Variants in CSMD2 observed in about 807,000 individuals in gnomAD.
CSMD2 encodes the protein CUB and sushi domain-containing protein 2.
Under a neutral mutation model 398.5 loss-of-function variants are expected in CSMD2, and 130 were observed. The ratio of observed to expected loss-of-function variants is 0.33; its 90% CI spans 0.28 to 0.38. The LOEUF is 0.38. Among genes scored for constraint, CSMD2 ranks in the 10% least tolerant of loss-of-function variants. The pLI, the probability that CSMD2 is intolerant of heterozygous loss-of-function variation, is 1.00. For synonymous variants in CSMD2, 1,828 were observed against 1,908.5 expected, an observed-to-expected ratio of 0.96 and a Z score of 1.10; for missense variants, 3,829 against 4,764.9, an observed-to-expected ratio of 0.80 and a Z score of 5.78.
At chr1:33,948,168 C>T (rs1644896239) in intron 3 of CSMD2, among the ~76,000 whole-genome samples, 1 of 152,190 alleles carries the variant, frequency 6.6e-6, no homozygotes, top group African/African-American at 2.4e-5. Flanking sequence ...AGGAGAGCCC[C>T]TGCCTCATCC....
At chr1:33,654,180 A>G (rs1643883678) in intron 27 of CSMD2, among the ~76,000 whole-genome samples, 1 of 152,216 alleles carries the variant, frequency 6.6e-6, no homozygotes, top group Non-Finnish European at 1.5e-5. Flanking sequence ...TGAGTATCAG[A>G]AACACTCAAA....
intron 5 of CSMD2, among the ~76,000 whole-genome samples, chr1:33,889,595 A>AT (rs1467520528): frequency 6.6e-6 from 1 of 152,236 alleles, no homozygotes; most frequent in African/African-American, 2.4e-5. Flanking sequence ...TAACTATAAC[A>AT]TTATTTGAAA....
chr1:33,854,473 C>T (rs999628405), intron 5 of CSMD2, among the ~76,000 whole-genome samples: 13 of 152,316 alleles, frequency 8.5e-5, no homozygotes, highest in Middle Eastern at 3.4e-3. Context: ...TCCAGTGCCA[C>T]GCGGGCTTCA....
At chr1:33,926,369 G>A (rs1644127741) in intron 4 of CSMD2, among the ~76,000 whole-genome samples, 1 of 152,132 alleles carries the variant, frequency 6.6e-6, no homozygotes, top group African/African-American at 2.4e-5. Context: ...AAGCCATCCC[G>A]AGATTTTCAA....
chr1:34,158,765 G>T (rs1641039404), intron 1 of CSMD2, among the ~76,000 whole-genome samples: 1 of 152,202 alleles, frequency 6.6e-6, no homozygotes, highest in South Asian at 2.1e-4. Context: ...CTAGGGTCAG[G>T]TAGACTTGAG....
At chr1:33,757,995 T>G (rs529691385) in intron 13 of CSMD2, among the ~76,000 whole-genome samples, 1 of 152,366 alleles carries the variant, frequency 6.6e-6, no homozygotes, top group East Asian at 1.9e-4. Context: ...CAAATTCTTT[T>G]GCTGTTACAT....
chr1:33,711,130 C>A (rs961816875), intron 21 of CSMD2, among the ~76,000 whole-genome samples: 2 of 152,030 alleles, frequency 1.3e-5, no homozygotes. Context: ...TTTACATAGA[C>A]GTTTCCAGCA....
chr1:33,845,353 T>C (rs545284317), intron 6 of CSMD2, among the ~76,000 whole-genome samples: 6 of 152,354 alleles, frequency 3.9e-5, no homozygotes, highest in African/African-American at 1.4e-4. Flanking sequence ...TGGGGCAATG[T>C]ACATACAGTG....
At chr1:33,918,364 A>G (rs2125283662) in intron 4 of CSMD2, 63 bp from the exon 5 acceptor site, 5 of 1,344,574 alleles carry the variant, frequency 3.7e-6, no homozygotes, top group South Asian at 2.4e-5. Flanking sequence ...AGCACTCACC[A>G]TGGGCTATAC....
chr1:33,788,058 T>A (rs1174338360), intron 12 of CSMD2, among the ~76,000 whole-genome samples: 1 of 152,182 alleles, frequency 6.6e-6, no homozygotes, highest in East Asian at 1.9e-4. Context: ...GGGATGGAAC[T>A]GAGGTGTGCA....
intron 2 of CSMD2, among the ~76,000 whole-genome samples, chr1:34,050,197 C>A (rs1653016966): frequency 6.6e-6 from 1 of 152,184 alleles, no homozygotes; most frequent in Non-Finnish European, 1.5e-5. Context: ...CAAAATGGTA[C>A]CCTTCCCTGG....
chr1:33,928,990 A>C (rs1012475589), intron 4 of CSMD2, among the ~76,000 whole-genome samples: 2 of 152,096 alleles, frequency 1.3e-5, no homozygotes, highest in African/African-American at 4.8e-5. Context: ...TGGATGTCTC[A>C]CAGGCGTCTC....
At chr1:34,010,922 G>C (rs1161041136) in intron 3 of CSMD2, among the ~76,000 whole-genome samples, 1 of 152,216 alleles carries the variant, frequency 6.6e-6, no homozygotes, top group Non-Finnish European at 1.5e-5. Flanking sequence ...ACCGCGCCTG[G>C]CCAGTGATTT....
intron 44 of CSMD2, among the ~76,000 whole-genome samples, chr1:33,590,743 T>A (rs1168821572): frequency 6.6e-6 from 1 of 152,112 alleles, no homozygotes; most frequent in Non-Finnish European, 1.5e-5. Context: ...ATTTTGTGAA[T>A]ACCCTTCTTC....
chr1:33,978,700 T>A (rs984907613), intron 3 of CSMD2, among the ~76,000 whole-genome samples: 1 of 152,166 alleles, frequency 6.6e-6, no homozygotes, highest in Non-Finnish European at 1.5e-5. Flanking sequence ...TCAGAGTGGC[T>A]GGGATGATGC....
chr1:34,007,494 G>A (rs2148055123), intron 3 of CSMD2, among the ~76,000 whole-genome samples: 1 of 152,258 alleles, frequency 6.6e-6, no homozygotes, highest in East Asian at 1.9e-4. Flanking sequence ...GTTGGGGAGG[G>A]AGTGAAGAAA....
chr1:33,743,824 G>A (rs909240731), intron 13 of CSMD2, among the ~76,000 whole-genome samples: 3 of 152,192 alleles, frequency 2.0e-5, no homozygotes, highest in Non-Finnish European at 4.4e-5. Flanking sequence ...TTGGCAAAAG[G>A]CAGACATGGC....
At chr1:34,044,722 G>C (rs1570922401) in intron 2 of CSMD2, among the ~76,000 whole-genome samples, 1 of 152,086 alleles carries the variant, frequency 6.6e-6, no homozygotes, top group African/African-American at 2.4e-5. Flanking sequence ...AACTAATATA[G>C]AATTACCTAG....
chr1:33,675,931 A>C (rs1337072761), intron 25 of CSMD2, among the ~76,000 whole-genome samples: 2 of 152,266 alleles, frequency 1.3e-5, no homozygotes, highest in African/African-American at 2.4e-5. Flanking sequence ...AAAACTCTCA[A>C]TAAATTAGGT....
Sources: allele counts gnomAD v4.1 joint callset (sites outside exome capture counted in the v4.1 genomes callset), GRCh38; gene constraint gnomAD v4.1.1; transcripts MANE v1.5; gene names NCBI Gene and HGNC (gene_info 2026-07-23, HGNC 2026-07-21).